LDLRAD4: variants seen among roughly 807,000 people sequenced by gnomAD.
The protein encoded by LDLRAD4 is low-density lipoprotein receptor class A domain-containing protein 4.
LDLRAD4 carries 5 observed loss-of-function variants against 17.0 expected under a neutral mutation model. That is an observed-to-expected ratio of 0.29 (90% confidence interval 0.15 to 0.62). The LOEUF (loss-of-function observed/expected upper bound fraction) is 0.62. Ranked by LOEUF, LDLRAD4 falls within the 20% of genes least tolerant of loss-of-function variation. The pLI, the probability that LDLRAD4 is intolerant of heterozygous loss-of-function variation, is 0.84. For missense variants in LDLRAD4, 340 were observed against 424.7 expected (o/e 0.80, Z 1.75); for synonymous variants, 168 against 171.8 (o/e 0.98, Z 0.17).
intron 3 of LDLRAD4, among the ~76,000 whole-genome samples, chr18:13,457,080 G>A (rs751710654): frequency 1.3e-5 from 2 of 152,230 alleles, no homozygotes; most frequent in African/African-American, 2.4e-5. Flanking sequence ...GACACCTGCT[G>A]TAGTGTCAGC....
chr18:13,222,455 C>T (rs2145339844), intron 1 of LDLRAD4, among the ~76,000 whole-genome samples: 1 of 152,212 alleles, frequency 6.6e-6, no homozygotes, highest in East Asian at 1.9e-4. Flanking sequence ...GTTTATGTGA[C>T]AGTGCAAGTT....
chr18:13,495,035 A>G (rs2093438978), intron 3 of LDLRAD4, among the ~76,000 whole-genome samples: 1 of 152,052 alleles, frequency 6.6e-6, no homozygotes, highest in African/African-American at 2.4e-5. Context: ...ATTTGGCATC[A>G]AGGAGAGATT....
intron 4 of LDLRAD4, chr18:13,641,672 C>A: frequency 1.2e-6 from 1 of 817,210 alleles, no homozygotes; most frequent in Non-Finnish European, 1.5e-6. Context: ...AGCAGGCGCG[C>A]CTCTGGCGGT....
chr18:13,598,925 A>G (rs755077055), intron 3 of LDLRAD4, among the ~76,000 whole-genome samples: 11 of 152,146 alleles, frequency 7.2e-5, no homozygotes, highest in East Asian at 3.8e-4. Flanking sequence ...GCCTCTCCTT[A>G]CATGGAATTT....
chr18:13,292,233 ACAG>A (rs777301782), intron 1 of LDLRAD4, among the ~76,000 whole-genome samples: 15 of 152,294 alleles, frequency 9.8e-5, no homozygotes, highest in Middle Eastern at 3.4e-3. Context: ...CACGTGGCAA[ACAG>A]CAGCACTGGG....
At chr18:13,617,115 T>C (rs901211663) in intron 3 of LDLRAD4, among the ~76,000 whole-genome samples, 4 of 151,978 alleles carry the variant, frequency 2.6e-5, no homozygotes, top group Non-Finnish European at 5.9e-5. Flanking sequence ...TTTTTTTTTT[T>C]TTTTAAGAGA....
chr18:13,387,843 C>G, intron 2 of LDLRAD4, 81 bp downstream of exon 3: 1 of 1,268,838 alleles, frequency 7.9e-7, no homozygotes, highest in South Asian at 1.2e-5. Flanking sequence ...ATGCAGTGAA[C>G]CTACCTTTGC....
intron 1 of LDLRAD4, among the ~76,000 whole-genome samples, chr18:13,286,702 A>C (rs991566515): frequency 6.6e-6 from 1 of 152,162 alleles, no homozygotes; most frequent in Non-Finnish European, 1.5e-5. Context: ...GTGTTTAGGA[A>C]GCTGAGTCTG....
upstream of LDLRAD4, among the ~76,000 whole-genome samples, chr18:13,276,951 G>A (rs2044912975): frequency 6.6e-6 from 1 of 152,208 alleles, no homozygotes; most frequent in African/African-American, 2.4e-5. Context: ...GAAGACTGGT[G>A]AGAGCAGCCC....
chr18:13,479,627 G>GAAAGAAAAGAAAAGA (rs142887839), intron 3 of LDLRAD4, among the ~76,000 whole-genome samples: 4 of 150,864 alleles, frequency 2.7e-5, no homozygotes, highest in Admixed American at 1.3e-4. Context: ...TCTAAAAAAA[G>GAAAGAAAAGAAAAGA]AAAGAAAAGA....
chr18:13,226,503 C>A (rs7228009), intron 1 of LDLRAD4, among the ~76,000 whole-genome samples: 3 of 151,556 alleles, frequency 2.0e-5, no homozygotes, highest in South Asian at 4.2e-4. Context: ...TTTAAAAAAC[C>A]TTTGCAAATT....
intron 2 of LDLRAD4, among the ~76,000 whole-genome samples, chr18:13,399,154 A>G (rs12458863): frequency 0.12 from 17,702 of 151,980 alleles, 1,243 homozygotes; most frequent in East Asian, 0.25. Context: ...CTGTGGTCAC[A>G]CCATTGCACT....
upstream of LDLRAD4, among the ~76,000 whole-genome samples, chr18:13,275,856 C>T (rs2146195261): frequency 6.6e-6 from 1 of 152,220 alleles, no homozygotes; most frequent in Non-Finnish European, 1.5e-5. Context: ...GGTTTTTGCC[C>T]ACAAGGAGCT....
rs181754416 is a variant in LDLRAD4, at chr18:13,433,097, G to T, written c.41-5147G>T. On this transcript the variant is annotated intron_variant, in intron 2 of 5. Transcript: ENST00000359446. ...GTATATAAATTAATAAAACATTGTT[G>T]TCACCTCTGTACTAGGAAATGTAAA... Among the ~76,000 whole-genome samples the T allele has an allele frequency of 3.9e-5, 6 of 152,256 alleles. No individual in the cohort carries two copies. The East Asian group carries it at 7.7e-4, about 20-fold the overall frequency.
chr18:13,259,233 C>T (rs2043671819), intron 1 of LDLRAD4, among the ~76,000 whole-genome samples: 1 of 152,146 alleles, frequency 6.6e-6, no homozygotes, highest in Admixed American at 6.5e-5. Context: ...GGCTGGAGTG[C>T]AGTAGCGTGA....
intron 3 of LDLRAD4, chr18:13,515,847 C>T (rs2093857338): frequency 3.3e-5 from 5 of 152,116 alleles, no homozygotes; most frequent in Admixed American, 3.3e-4. Flanking sequence ...TCTTTGTCGC[C>T]CAGGCTGGAG....
At chr18:13,549,885 C>G (rs1306095117) in intron 3 of LDLRAD4, among the ~76,000 whole-genome samples, 1 of 152,104 alleles carries the variant, frequency 6.6e-6, no homozygotes, top group Non-Finnish European at 1.5e-5. Flanking sequence ...CAAATTCAGG[C>G]ACCACCGCTT....
chr18:13,362,735 G>A (rs545867725), intron 1 of LDLRAD4, among the ~76,000 whole-genome samples: 35 of 152,326 alleles, frequency 2.3e-4, no homozygotes, highest in Middle Eastern at 3.4e-3. Context: ...GATGATAAAC[G>A]TTAAGTTATT....
chr18:13,462,736 G>C (rs2092473834), intron 3 of LDLRAD4, among the ~76,000 whole-genome samples: 1 of 152,216 alleles, frequency 6.6e-6, no homozygotes, highest in Non-Finnish European at 1.5e-5. Flanking sequence ...CATGGTGGCT[G>C]TCACGGGCGG....
Sources: allele counts gnomAD v4.1 joint callset (sites outside exome capture counted in the v4.1 genomes callset), GRCh38; gene constraint gnomAD v4.1.1; transcripts MANE v1.5; gene names NCBI Gene and HGNC (gene_info 2026-07-23, HGNC 2026-07-21).